ART3: variants seen among roughly 807,000 people sequenced by gnomAD.
ART3 encodes the protein ecto-ADP-ribosyltransferase 3.
In ART3, 49 loss-of-function variants were observed where a neutral mutation model predicts 48.5. The observed-to-expected ratio is 1.01, with a 90% CI of 0.80 to 1.28. The LOEUF (loss-of-function observed/expected upper bound fraction) is 1.28, where lower values mean the gene tolerates loss of function less well. Ranked by LOEUF, ART3 falls within the 50% of genes most tolerant of loss-of-function variation. The probability of loss-of-function intolerance (pLI) is 0.00; values close to 1 mark genes in which losing one functional copy is unlikely to be tolerated. For synonymous variants in ART3, 145 were observed against 157.2 expected, an observed-to-expected ratio of 0.92 and a Z score of 0.58; for missense variants, 438 against 454.3, an observed-to-expected ratio of 0.96 and a Z score of 0.33.
At chr4:76,111,500 A>T (rs185209669) in intron 11 of ART3, among the ~76,000 whole-genome samples, 33 of 152,234 alleles carry the variant, frequency 2.2e-4, no homozygotes, top group African/African-American at 6.7e-4. Context: ...TCTCTTCCTT[A>T]TGATTTTAAT....
At chr4:76,025,425 T>C (rs1047376367) in intron 1 of ART3, among the ~76,000 whole-genome samples, 6 of 152,234 alleles carry the variant, frequency 3.9e-5, no homozygotes, top group Admixed American at 1.3e-4. Context: ...AGATACTTGA[T>C]AAATGGACTA....
intron 8 of ART3, among the ~76,000 whole-genome samples, chr4:76,103,273 T>C (rs556728709): frequency 2.0e-5 from 3 of 152,114 alleles, no homozygotes; most frequent in Non-Finnish European, 4.4e-5. Flanking sequence ...CCCAGCTCTT[T>C]GGGAGGCGTA....
At chr4:76,066,610 T>C (rs1375221199) in intron 1 of ART3, among the ~76,000 whole-genome samples, 1 of 152,102 alleles carries the variant, frequency 6.6e-6, no homozygotes, top group Non-Finnish European at 1.5e-5. Context: ...CAGCTCTGGC[T>C]GAGCCCGGCT....
intron 1 of ART3, among the ~76,000 whole-genome samples, chr4:76,035,772 A>C (rs1734332804): frequency 1.3e-5 from 2 of 152,244 alleles, no homozygotes. Context: ...AGTATCTTAA[A>C]CATGTCCACC....
chr4:76,068,992 A>G (rs763269409), intron 1 of ART3, among the ~76,000 whole-genome samples: 4 of 152,236 alleles, frequency 2.6e-5, no homozygotes, highest in Non-Finnish European at 4.4e-5. Flanking sequence ...TTGTGCAACC[A>G]TCACTGCAAT....
intron 10 of ART3, among the ~76,000 whole-genome samples, chr4:76,104,944 A>G (rs1458794757): frequency 6.6e-6 from 1 of 152,194 alleles, no homozygotes; most frequent in African/African-American, 2.4e-5. Flanking sequence ...TAAAAACTAT[A>G]TCCAGCCACA....
At position 76,026,010 on chromosome 4, in the gene ART3, T is replaced by C. The variant is rs188005612; in HGVS notation, c.-10+14690T>C. Among the ~76,000 whole-genome samples, 278 of 152,238 alleles carry C rather than the reference T, an allele frequency of 1.8e-3. 4 individuals carry two copies. Among genetic ancestry groups the C allele is most frequent in the Non-Finnish European group, 1.7e-3 (113 of 68,016 alleles). On this transcript the variant is annotated intron_variant, in intron 1 of 9. Transcript: ENST00000341029. ...CAAACAACTTCCAGTTAGAATAAAA[T>C]CCAAATTTCTAATTAAGCTGCTTTA...
intron 3 of ART3, among the ~76,000 whole-genome samples, chr4:76,084,067 T>G (rs537521796): frequency 2.0e-5 from 3 of 152,268 alleles, no homozygotes; most frequent in East Asian, 1.9e-4. Flanking sequence ...TTTCCTTAGT[T>G]TTTTTAATAT....
At chr4:76,105,016 C>A (rs189087683) in intron 10 of ART3, among the ~76,000 whole-genome samples, 5 of 152,258 alleles carry the variant, frequency 3.3e-5, no homozygotes, top group Non-Finnish European at 7.4e-5. Flanking sequence ...AAAGAAACAG[C>A]GTTTTCCATT....
chr4:76,013,936 G>A (rs993327411), intron 1 of ART3, among the ~76,000 whole-genome samples: 4 of 152,146 alleles, frequency 2.6e-5, no homozygotes, highest in Non-Finnish European at 4.4e-5. Flanking sequence ...CACTTGTCAA[G>A]TAGAGTCAGA....
At chr4:76,087,530 C>T (rs1723870085) in intron 3 of ART3, among the ~76,000 whole-genome samples, 1 of 152,022 alleles carries the variant, frequency 6.6e-6, no homozygotes, top group African/African-American at 2.4e-5. Flanking sequence ...ATAACTGAGC[C>T]TTTGGATTAA....
chr4:76,081,719 C>T (rs763509967), intron 2 of ART3, 105 bp from the exon 3 acceptor site: 120 of 1,233,794 alleles, frequency 9.7e-5, no homozygotes, highest in East Asian at 5.4e-4. Flanking sequence ...ATAAGTCAGG[C>T]GAGAATTTTG....
intron 2 of ART3, among the ~76,000 whole-genome samples, chr4:76,078,448 T>C (rs536451241): frequency 1.6e-3 from 244 of 152,178 alleles, no homozygotes; most frequent in Non-Finnish European, 2.8e-3. Flanking sequence ...TGGTACATTC[T>C]GTGCTGTGGA....
At chr4:76,059,614 G>C (rs1719013120) in intron 1 of ART3, among the ~76,000 whole-genome samples, 1 of 152,020 alleles carries the variant, frequency 6.6e-6, no homozygotes, top group South Asian at 2.1e-4. Flanking sequence ...CTTGTAGGTA[G>C]CTTAAAGGAA....
intron 1 of ART3, among the ~76,000 whole-genome samples, chr4:76,013,739 T>C (rs1019405085): frequency 1.7e-4 from 26 of 152,242 alleles, no homozygotes; most frequent in Non-Finnish European, 2.9e-4. Context: ...ACAGATTGCT[T>C]GCCAGAAAGA....
In ART3 at chr4:76,082,407, A is replaced by G. The variant is rs2149559278; in HGVS notation, c.653A>G (p.Glu218Gly). Residue 218 changes from glutamate to glycine, a missense_variant, in exon 3 of 12, where the codon GAA becomes GGA. By Grantham distance (98) the Glu-to-Gly change is moderately conservative. This residue lies in a region of ART3 where 227 missense variants were observed against 229.6 expected (regional missense o/e 0.99). Coordinates refer to ENST00000355810, the MANE Select transcript of ART3 (RefSeq NM_001130016.3). ...GACATTGAAAATTTTCTTGATAAAG[A>G]AAGTGAAAGAATTACTTTAATACCT... The part of the protein sequence containing the change: ...GVDIENFLDK[E>G]SERITLIPLN... 1.9e-6 allele frequency: 3 copies of G among 1,614,132 alleles called. No individual in the cohort carries two copies. Among genetic ancestry groups the G allele is most frequent in the South Asian group, 1.1e-5 (1 of 91,078 alleles).
intron 1 of ART3, chr4:76,033,748 G>A (rs1734085805): frequency 6.6e-6 from 1 of 152,150 alleles, no homozygotes; most frequent in South Asian, 2.1e-4. Flanking sequence ...CTTTAAACTA[G>A]TCTTGAGTAT....
At chr4:76,046,167 A>G (rs1735482003) in intron 1 of ART3, among the ~76,000 whole-genome samples, 1 of 152,110 alleles carries the variant, frequency 6.6e-6, no homozygotes, top group South Asian at 2.1e-4. Context: ...CTATCCCTAA[A>G]CCCTTGGGGC....
chr4:76,069,240 A>T (rs1720049203), intron 1 of ART3, among the ~76,000 whole-genome samples: 1 of 139,428 alleles, frequency 7.2e-6, no homozygotes, highest in Non-Finnish European at 1.5e-5. Context: ...TGTTTTCATT[A>T]CTCTAAAAAG....
Sources: gnomAD v4.1 joint callset for allele counts (sites outside exome capture counted in the v4.1 genomes callset) on GRCh38, gnomAD v4.1.1 for gene constraint, gnomAD v4.1.1 regional missense constraint, MANE v1.5 for transcripts, NCBI Gene and HGNC (gene_info 2026-07-23, HGNC 2026-07-21) for gene names.